Variants in NCKAP5 observed in about 807,000 individuals in gnomAD.
The protein encoded by NCKAP5 is NCK associated protein 5.
NCKAP5 carries 92 observed loss-of-function variants against 167.0 expected under a neutral mutation model. The ratio of observed to expected loss-of-function variants is 0.55; its 90% CI spans 0.47 to 0.66. NCKAP5 has a LOEUF of 0.66. Among genes scored for constraint, NCKAP5 ranks in the 30% least tolerant of loss-of-function variants. NCKAP5 has a pLI of 0.00. For missense variants in NCKAP5, 2,378 were observed against 2,315.0 expected (o/e 1.03, Z -0.56); for synonymous variants, 891 against 877.4 (o/e 1.02, Z -0.27).
chr2:133,275,668 C>T (rs2089694331), intron 4 of NCKAP5, among the ~76,000 whole-genome samples: 1 of 151,840 alleles, frequency 6.6e-6, no homozygotes, highest in South Asian at 2.1e-4. Context: ...AATTGGCAGT[C>T]CTATGCACGT....
intron 19 of NCKAP5, among the ~76,000 whole-genome samples, chr2:132,682,609 A>G (rs1362372011): frequency 6.6e-6 from 1 of 152,190 alleles, no homozygotes; most frequent in Admixed American, 6.5e-5. Flanking sequence ...AGAATCATCT[A>G]CCCAGTCTGC....
At chr2:133,114,525 T>C (rs773843299) in intron 6 of NCKAP5, among the ~76,000 whole-genome samples, 10 of 152,234 alleles carry the variant, frequency 6.6e-5, no homozygotes, top group Non-Finnish European at 1.5e-4. Context: ...ACATGAACTA[T>C]ATCAAATATT....
At chr2:132,703,907 C>A (rs1274560500) in intron 19 of NCKAP5, among the ~76,000 whole-genome samples, 1 of 152,016 alleles carries the variant, frequency 6.6e-6, no homozygotes, top group Admixed American at 6.6e-5. Context: ...ATGGATAACC[C>A]CCTGGCCCTT....
chr2:132,682,948 G>A (rs371180896), intron 19 of NCKAP5, among the ~76,000 whole-genome samples: 1 of 150,210 alleles, frequency 6.7e-6, no homozygotes, highest in Admixed American at 6.6e-5. Flanking sequence ...GCAGTGATGC[G>A]ATCTCGGCTC....
chr2:133,272,351 C>T (rs1348138624), intron 4 of NCKAP5, among the ~76,000 whole-genome samples: 5 of 151,906 alleles, frequency 3.3e-5, no homozygotes, highest in Non-Finnish European at 5.9e-5. Flanking sequence ...AGACATAAAT[C>T]AATAAGCTTA....
At chr2:133,629,153 A>G in the NCKAP5 span, among the ~76,000 whole-genome samples, 2 of 152,224 alleles carry the variant, frequency 1.3e-5, no homozygotes, top group African/African-American at 2.4e-5. Context: ...TAATTAAACT[A>G]AAGAACTCCT....
chr2:133,647,040 C>T, the NCKAP5 span, among the ~76,000 whole-genome samples: 1 of 151,666 alleles, frequency 6.6e-6, no homozygotes, highest in East Asian at 1.9e-4. Flanking sequence ...TAACAAAACA[C>T]AAAAGAAGAT....
At chr2:133,080,055 T>A (rs2080750791) in intron 6 of NCKAP5, among the ~76,000 whole-genome samples, 2 of 152,144 alleles carry the variant, frequency 1.3e-5, no homozygotes, top group Admixed American at 1.3e-4. Context: ...AGACAGTGAA[T>A]AAATTAATGA....
chr2:132,974,884 C>G (rs1269382717), intron 7 of NCKAP5, among the ~76,000 whole-genome samples: 1 of 152,188 alleles, frequency 6.6e-6, no homozygotes, highest in Non-Finnish European at 1.5e-5. Flanking sequence ...TAAACACATA[C>G]CATAATAGGA....
intron 2 of NCKAP5, among the ~76,000 whole-genome samples, chr2:133,555,550 T>C (rs1368951746): frequency 6.6e-6 from 1 of 152,248 alleles, no homozygotes; most frequent in Non-Finnish European, 1.5e-5. Context: ...TCTCACCTTG[T>C]TTCTAAATGA....
the NCKAP5 span, among the ~76,000 whole-genome samples, chr2:133,594,801 A>T: frequency 6.6e-6 from 1 of 152,218 alleles, no homozygotes; most frequent in Non-Finnish European, 1.5e-5. Context: ...CCAAGAGGAT[A>T]TGGGTATGTT....
chr2:133,033,739 A>C (rs1213800745), intron 6 of NCKAP5, among the ~76,000 whole-genome samples: 3 of 152,098 alleles, frequency 2.0e-5, no homozygotes, highest in Non-Finnish European at 2.9e-5. Context: ...AACACATCAG[A>C]GTCCTTTAAC....
At chr2:133,521,635 T>A (rs1684484878) in intron 2 of NCKAP5, among the ~76,000 whole-genome samples, 1 of 152,208 alleles carries the variant, frequency 6.6e-6, no homozygotes, top group Non-Finnish European at 1.5e-5. Context: ...TGTCCTCACA[T>A]GGCCTTTGCT....
chr2:133,138,859 C>A (rs1405082234), intron 5 of NCKAP5, among the ~76,000 whole-genome samples: 1 of 152,180 alleles, frequency 6.6e-6, no homozygotes, highest in Non-Finnish European at 1.5e-5. Flanking sequence ...GTCAGCTAGA[C>A]ACAGCCTGCT....
At chr2:133,630,588 C>T in the NCKAP5 span, among the ~76,000 whole-genome samples, 1 of 151,708 alleles carries the variant, frequency 6.6e-6, no homozygotes, top group Non-Finnish European at 1.5e-5. Context: ...GCATATGTAC[C>T]TCAGAACTTA....
the NCKAP5 span, among the ~76,000 whole-genome samples, chr2:133,649,005 T>C: frequency 1.3e-5 from 2 of 151,502 alleles, no homozygotes; most frequent in East Asian, 3.9e-4. Context: ...TTAGATACAC[T>C]AAGAAAAAGA....
At chr2:132,892,267 G>A (rs1692770470) in intron 8 of NCKAP5, among the ~76,000 whole-genome samples, 1 of 152,108 alleles carries the variant, frequency 6.6e-6, no homozygotes, top group African/African-American at 2.4e-5. Context: ...TCTGCTTCCA[G>A]ATGCCCATTT....
intron 6 of NCKAP5, among the ~76,000 whole-genome samples, chr2:133,103,591 C>A (rs2081587386): frequency 6.6e-6 from 1 of 152,084 alleles, no homozygotes; most frequent in Admixed American, 6.6e-5. Context: ...GCCAGGAGAT[C>A]CAAACCAGCC....
Position 133,173,769 on chromosome 2 carries a change from A to G in NCKAP5, c.207+39947T>C, listed in dbSNP as rs141651266. Reference sequence around the variant, plus strand: ...CTAGCTCTGGCTTTTCTTTGACAATATCCACATATGACAGATTTACCAAAA... The same window carrying G: ...CTAGCTCTGGCTTTTCTTTGACAATGTCCACATATGACAGATTTACCAAAA... On this transcript the variant is annotated intron_variant, in intron 5 of 19. Coordinates refer to ENST00000409261, the MANE Select transcript of NCKAP5 (RefSeq NM_207363.3). Among the ~76,000 whole-genome samples the G allele has an allele frequency of 3.1e-3, 468 of 152,326 alleles. 4 individuals are homozygous for G. Among genetic ancestry groups the G allele is most frequent in the African/African-American group, 0.011 (448 of 41,576 alleles).
Sources: gnomAD v4.1 joint callset for allele counts (sites outside exome capture counted in the v4.1 genomes callset) on GRCh38, gnomAD v4.1.1 for gene constraint, MANE v1.5 for transcripts, NCBI Gene and HGNC (gene_info 2026-07-23, HGNC 2026-07-21) for gene names.